TCTN2: variants seen among roughly 807,000 people sequenced by gnomAD.
TCTN2 encodes tectonic-2.
A neutral mutation model predicts 83.4 loss-of-function variants in TCTN2; 66 were observed. That is an observed-to-expected ratio of 0.79 (90% CI 0.65 to 0.97). The LOEUF (loss-of-function observed/expected upper bound fraction) is 0.97. Among genes scored for constraint, TCTN2 ranks in the 50% least tolerant of loss-of-function variants. The pLI, the probability that TCTN2 is intolerant of heterozygous loss-of-function variation, is 0.00. For synonymous variants in TCTN2, 301 were observed against 326.7 expected, an observed-to-expected ratio of 0.92 and a Z score of 0.85; for missense variants, 794 against 858.1, an observed-to-expected ratio of 0.93 and a Z score of 0.93.
chr12:123,701,929 G>A (rs940478002), intron 14 of TCTN2, among the ~76,000 whole-genome samples: 1 of 152,142 alleles, frequency 6.6e-6, no homozygotes, highest in Non-Finnish European at 1.5e-5. Flanking sequence ...AGACTTTAAA[G>A]CTTCTTCATC....
rs1005157283 is a variant in TCTN2 at position 123,704,627 on chromosome 12, A to G, written c.1708A>G (p.Ile570Val). 2 of 1,612,422 alleles carry G rather than the reference A, an allele frequency of 1.2e-6. No individual in the cohort carries two copies. Among genetic ancestry groups the G allele is most frequent in the Non-Finnish European group, 1.7e-6 (2 of 1,179,706 alleles). The change falls in exon 15 of 18, where the codon ATC (isoleucine) becomes GTC (valine). Residue 570 changes from isoleucine to valine, a missense_variant. By Grantham distance (29) the Ile-to-Val change is conservative (BLOSUM62 3). Coordinates refer to ENST00000303372, the MANE Select transcript of TCTN2 (RefSeq NM_024809.5). ...TGCTCACCTGAGCATCCGCATCCTC[A>G]TCTCGGATGCTGGCGCGGTGGAAGG... ...IPAHLSIRIL[I>V]SDAGAVEGIT...
At chr12:123,687,066 G>A (rs756528617) in intron 6 of TCTN2, 31 bp downstream of exon 6, 30 of 1,613,326 alleles carry the variant, frequency 1.9e-5, no homozygotes. Context: ...CTGGGATGGG[G>A]CATTGTTCTC....
chr12:123,671,401 C>T (rs562067628), intron 1 of TCTN2, 79 bp downstream of exon 1: 48 of 1,592,812 alleles, frequency 3.0e-5, no homozygotes, highest in Non-Finnish European at 4.0e-5. Flanking sequence ...TTGGACTCCC[C>T]CGGGAGCTTC....
intron 8 of TCTN2, among the ~76,000 whole-genome samples, chr12:123,691,709 C>T (rs1331488385): frequency 1.3e-5 from 2 of 151,576 alleles, no homozygotes; most frequent in African/African-American, 4.9e-5. Context: ...TCTTGAGGAC[C>T]CACCAAATTG....
At chr12:123,674,715 A>G (rs953349870) in intron 4 of TCTN2, among the ~76,000 whole-genome samples, 1 of 152,162 alleles carries the variant, frequency 6.6e-6, no homozygotes, top group African/African-American at 2.4e-5. Context: ...GCAACACAGC[A>G]GATACTGTCT....
At chr12:123,704,949 A>C (rs998305421) in intron 15 of TCTN2, among the ~76,000 whole-genome samples, 1 of 152,062 alleles carries the variant, frequency 6.6e-6, no homozygotes, top group Non-Finnish European at 1.5e-5. Flanking sequence ...AGGGCCCCTT[A>C]GTACTAAGTA....
chr12:123,695,145 G>A, intron 10 of TCTN2, 75 bp from the exon 11 acceptor site: 1 of 1,387,452 alleles, frequency 7.2e-7, no homozygotes, highest in Non-Finnish European at 1.0e-6. Context: ...GCAATTTTAA[G>A]GTAAACACTA....
At chr12:123,673,896 A>G (rs1344555031) in intron 4 of TCTN2, 86 bp downstream of exon 4, 4 of 1,349,792 alleles carry the variant, frequency 3.0e-6, no homozygotes, top group South Asian at 1.2e-5. Flanking sequence ...TGAGCCCGGG[A>G]GGTTGATGCT....
chr12:123,683,670 G>A (rs932797884), intron 5 of TCTN2, among the ~76,000 whole-genome samples: 13 of 152,016 alleles, frequency 8.6e-5, no homozygotes, highest in Admixed American at 6.6e-4. Flanking sequence ...ACGGAGCCTC[G>A]CTCTGTTGCC....
intron 4 of TCTN2, among the ~76,000 whole-genome samples, chr12:123,674,623 C>T (rs1290367647): frequency 2.6e-5 from 4 of 152,138 alleles, no homozygotes; most frequent in East Asian, 3.9e-4. Context: ...GGTGGCCAGA[C>T]GCAGTGGCTC....
At chr12:123,707,135 T>C in intron 17 of TCTN2, 62 bp downstream of exon 17, 5 of 1,384,094 alleles carry the variant, frequency 3.6e-6, no homozygotes, top group Non-Finnish European at 5.1e-6. Flanking sequence ...ATTTTTTAAA[T>C]GATGTCTAAA....
At chr12:123,676,395 C>T (rs147936424) in intron 4 of TCTN2, among the ~76,000 whole-genome samples, 3,290 of 151,682 alleles carry the variant, frequency 0.022, 93 homozygotes, top group African/African-American at 0.068. Context: ...GGTGAAACCC[C>T]GTCTCTACTA....
intron 8 of TCTN2, 33 bp from the exon 9 acceptor site, chr12:123,692,625 G>A (rs370495954): frequency 9.8e-6 from 15 of 1,531,402 alleles, no homozygotes; most frequent in Middle Eastern, 1.7e-4. Flanking sequence ...CCATGTGTAC[G>A]CCTGTGGAAG....
rs1156410703 is a variant in TCTN2 at position 123,695,217 on chromosome 12, T to C, written c.1235-3T>C. 2.3e-5 allele frequency: 36 copies of C among 1,541,716 alleles called. No homozygotes were observed. The highest frequency in any genetic ancestry group is 3.1e-5 in the Non-Finnish European group (35 of 1,114,620). On this transcript the variant is annotated splice_polypyrimidine_tract_variant and splice_region_variant and intron_variant, in intron 10 of 17. Transcript: ENST00000303372. ...ATTATATTTTATTTTGTTTTATTTC[T>C]AGGGATAATGACACAGAGATTTGTA...
intron 8 of TCTN2, among the ~76,000 whole-genome samples, chr12:123,691,167 C>T (rs1264790205): frequency 6.6e-6 from 1 of 152,164 alleles, no homozygotes; most frequent in East Asian, 1.9e-4. Flanking sequence ...TCGCGTCCCA[C>T]CAGAATTAAC....
chr12:123,680,248 A>G (rs909489967), intron 5 of TCTN2, among the ~76,000 whole-genome samples: 2 of 150,066 alleles, frequency 1.3e-5, no homozygotes, highest in Non-Finnish European at 3.0e-5. Flanking sequence ...GCTACTCTGG[A>G]GGCTGAGGCA....
chr12:123,673,726 G>C lies in TCTN2; in HGVS notation c.379G>C (p.Ala127Pro). 2 of 1,614,186 alleles carry C rather than the reference G, an allele frequency of 1.2e-6. No homozygotes were observed. Among genetic ancestry groups the C allele is most frequent in the Non-Finnish European group, 1.7e-6 (2 of 1,180,028 alleles). The change falls in exon 4 of 18, where the codon GCA becomes CCA. Residue 127 changes from alanine (A) to proline (P), a missense_variant. By Grantham distance (27) the Ala-to-Pro change is conservative. Transcript: ENST00000303372. Reference sequence around the variant, plus strand: ...TATCCTCCAGACCCTTCTGGTTTCAGCATCTCATAATTCATCCTGTTCAGC... The same window carrying C: ...TATCCTCCAGACCCTTCTGGTTTCACCATCTCATAATTCATCCTGTTCAGC... The part of the protein sequence containing the change: ...PCILQTLLVS[A>P]SHNSSCSAHL...
rs117332868 is a variant in TCTN2, at chr12:123,676,257, C to G, written c.463+2447C>G. ...ATTGCTCCATGTACTCCAGCCTGGT[C>G]GACAGAGCAAGACCTTGTCTCTAAA... is the stretch of plus-strand genomic sequence containing the variant. On this transcript the variant is annotated intron_variant, in intron 4 of 17. Transcript: ENST00000303372. 1.5e-4 allele frequency among the ~76,000 whole-genome samples: 22 copies of G among 150,936 alleles called. No homozygotes were observed. The East Asian group carries it at 1.8e-3, about 12-fold the overall frequency.
chr12:123,677,623 C>T lies in TCTN2; in HGVS notation c.464-1566C>T, dbSNP rs116909147. 3.4e-3 allele frequency among the ~76,000 whole-genome samples: 517 copies of T among 152,202 alleles called. 1 individual carries two copies. The highest frequency in any genetic ancestry group is 6.8e-3 in the Middle Eastern group (2 of 294). On this transcript the variant is annotated intron_variant, in intron 4 of 17. Transcript: ENST00000303372. ...TAATATCCTGAAGAGTTATAAACAA[C>T]GGGCCCTGCCAATGTTTACCTTTTT...
Sources: gnomAD v4.1 joint callset for allele counts (sites outside exome capture counted in the v4.1 genomes callset) on GRCh38, gnomAD v4.1.1 for gene constraint, MANE v1.5 for transcripts, NCBI Gene and HGNC (gene_info 2026-07-23, HGNC 2026-07-21) for gene names.